PLCB4: variants seen among roughly 807,000 people sequenced by gnomAD.
PLCB4 encodes 1-phosphatidylinositol 4,5-bisphosphate phosphodiesterase beta-4.
Under a neutral mutation model 178.8 loss-of-function variants are expected in PLCB4, and 77 were observed. That is an observed-to-expected ratio of 0.43 (90% CI 0.36 to 0.52). PLCB4 has a LOEUF of 0.52. Ranked by LOEUF, PLCB4 falls within the 20% of genes least tolerant of loss-of-function variation. The probability of loss-of-function intolerance (pLI) is 0.00; values close to 1 mark genes in which losing one functional copy is unlikely to be tolerated. For missense variants in PLCB4, 1,024 were observed against 1,453.4 expected (o/e 0.70, Z 4.80); for synonymous variants, 496 against 490.8 (o/e 1.01, Z -0.14).
intron 28 of PLCB4, among the ~76,000 whole-genome samples, chr20:9,429,943 A>G (rs1259597533): frequency 6.6e-6 from 1 of 152,194 alleles, no homozygotes; most frequent in Non-Finnish European, 1.5e-5. Context: ...TGACCCAATT[A>G]GACATCCTAG....
intron 3 of PLCB4, among the ~76,000 whole-genome samples, chr20:9,279,678 T>C (rs1214245797): frequency 1.3e-5 from 2 of 152,126 alleles, no homozygotes; most frequent in African/African-American, 4.8e-5. Context: ...TAAATCCAAG[T>C]AAGATATTTT....
intron 3 of PLCB4, among the ~76,000 whole-genome samples, chr20:9,294,987 G>A (rs1401124816): frequency 6.6e-6 from 1 of 152,068 alleles, no homozygotes; most frequent in African/African-American, 2.4e-5. Flanking sequence ...TTAAGCTGAG[G>A]AAGAGGTCAA....
intron 4 of PLCB4, among the ~76,000 whole-genome samples, chr20:9,323,711 T>C (rs999372431): frequency 6.6e-6 from 1 of 152,174 alleles, no homozygotes; most frequent in Admixed American, 6.5e-5. Context: ...AGTCCCCTCA[T>C]TGGACAGTTT....
At chr20:9,356,915 A>G (rs1373054087) in intron 7 of PLCB4, among the ~76,000 whole-genome samples, 1 of 152,160 alleles carries the variant, frequency 6.6e-6, no homozygotes, top group African/African-American at 2.4e-5. Context: ...CAGGAGTTTG[A>G]GACCAACCTG....
intron 2 of PLCB4, among the ~76,000 whole-genome samples, chr20:9,131,937 G>A (rs528413414): frequency 1.2e-4 from 19 of 152,218 alleles, no homozygotes; most frequent in African/African-American, 4.3e-4. Flanking sequence ...TGGCCACATC[G>A]ATAGAGACCC....
At chr20:9,385,630 G>A (rs921826221) in intron 14 of PLCB4, among the ~76,000 whole-genome samples, 5 of 145,956 alleles carry the variant, frequency 3.4e-5, no homozygotes, top group Admixed American at 1.4e-4. Context: ...GGTGGCGGCC[G>A]GGCAGAGGCG....
chr20:9,195,248 G>A (rs556904103), intron 2 of PLCB4, among the ~76,000 whole-genome samples: 44 of 152,326 alleles, frequency 2.9e-4, no homozygotes, highest in Non-Finnish European at 5.0e-4. Flanking sequence ...CCTGGAGTTG[G>A]TGTTAAAATG....
At chr20:9,424,228 G>T (rs923703568) in intron 28 of PLCB4, among the ~76,000 whole-genome samples, 8 of 152,020 alleles carry the variant, frequency 5.3e-5, no homozygotes, top group Non-Finnish European at 1.0e-4. Context: ...AACACATTTT[G>T]TGAAGGGTAT....
At chr20:9,104,773 A>G (rs540677269) in intron 2 of PLCB4, among the ~76,000 whole-genome samples, 32 of 151,974 alleles carry the variant, frequency 2.1e-4, no homozygotes, top group Admixed American at 1.9e-3. Context: ...ACATCCTAAC[A>G]TTCTGTCCTC....
intron 7 of PLCB4, among the ~76,000 whole-genome samples, chr20:9,349,579 G>A (rs1228381031): frequency 6.6e-6 from 1 of 152,118 alleles, no homozygotes. Flanking sequence ...GGGGCACATG[G>A]TTTTCAGTGC....
At chr20:9,267,011 A>T (rs1462816349) in intron 3 of PLCB4, among the ~76,000 whole-genome samples, 3 of 152,188 alleles carry the variant, frequency 2.0e-5, no homozygotes, top group Admixed American at 1.3e-4. Context: ...CAAATAGAAC[A>T]GAGCAAGTTT....
At chr20:9,070,201 A>G (rs935801909) in intron 1 of PLCB4, among the ~76,000 whole-genome samples, 2 of 152,228 alleles carry the variant, frequency 1.3e-5, no homozygotes, top group Non-Finnish European at 2.9e-5. Context: ...TCAGATTTAT[A>G]ATGTAAACAT....
At chr20:9,141,088 C>T (rs2092480810) in intron 2 of PLCB4, among the ~76,000 whole-genome samples, 1 of 152,112 alleles carries the variant, frequency 6.6e-6, no homozygotes, top group Admixed American at 6.6e-5. Flanking sequence ...AGAGTTCCTG[C>T]CCAGAGATGG....
At chr20:9,296,157 A>G (rs556377006) in intron 3 of PLCB4, among the ~76,000 whole-genome samples, 11 of 152,302 alleles carry the variant, frequency 7.2e-5, no homozygotes, top group South Asian at 2.1e-4. Context: ...AAACAAATCT[A>G]TAAGAAAAAA....
At position 9,307,908 on chromosome 20, in the gene PLCB4, T is replaced by G; in HGVS notation, c.84+10T>G. 8.5e-7 allele frequency: 1 copy of G among 1,169,998 alleles called. No individual in the cohort carries two copies. Among genetic ancestry groups the G allele is most frequent in the South Asian group, 1.3e-5 (1 of 75,318 alleles). 72.5% of individuals were successfully genotyped at this position (1,169,998 alleles called of 1,614,324 possible). On this transcript the variant is annotated intron_variant, in intron 4 of 39. Transcript: ENST00000378473. The stretch of plus-strand genomic sequence containing the variant: ...TGACAGATACGAGGAGGTAAAGAAG[T>G]GTTATTAATCTTTTCTCTCAAAACA...
intron 19 of PLCB4, among the ~76,000 whole-genome samples, chr20:9,397,010 C>G (rs921095958): frequency 3.3e-5 from 5 of 152,168 alleles, no homozygotes; most frequent in Non-Finnish European, 7.3e-5. Context: ...ATTGACCCTT[C>G]TTTTCACAAA....
At chr20:9,454,103 A>G (rs995280971) in intron 33 of PLCB4, among the ~76,000 whole-genome samples, 2 of 152,214 alleles carry the variant, frequency 1.3e-5, no homozygotes, top group Non-Finnish European at 2.9e-5. Flanking sequence ...TTCACTTTTG[A>G]AGAGAGCTGG....
chr20:9,322,117 ATTTT>A (rs749496709), intron 4 of PLCB4, among the ~76,000 whole-genome samples: 1 of 116,598 alleles, frequency 8.6e-6, no homozygotes, highest in South Asian at 2.9e-4. Flanking sequence ...CACCCAGGTA[ATTTT>A]TTTTTTTTTT....
intron 14 of PLCB4, 80 bp downstream of exon 14, chr20:9,384,491 A>G (rs1251290486): frequency 2.6e-5 from 26 of 989,024 alleles, no homozygotes; most frequent in Non-Finnish European, 4.0e-5. Context: ...AAAACAGGAA[A>G]TAGTAATCAG....
Sources: gnomAD v4.1 joint callset for allele counts (sites outside exome capture counted in the v4.1 genomes callset) on GRCh38, gnomAD v4.1.1 for gene constraint, MANE v1.5 for transcripts, NCBI Gene and HGNC (gene_info 2026-07-23, HGNC 2026-07-21) for gene names.